Variants in ARHGAP22 observed in about 807,000 individuals in gnomAD.
ARHGAP22 encodes the protein Rho GTPase activating protein 22.
A neutral mutation model predicts 59.1 loss-of-function variants in ARHGAP22; 48 were observed. That is an observed-to-expected ratio of 0.81 (90% confidence interval 0.64 to 1.03). The LOEUF (loss-of-function observed/expected upper bound fraction) is 1.03, where lower values mean the gene tolerates loss of function less well. Among genes scored for constraint, ARHGAP22 ranks in the 50% least tolerant of loss-of-function variants. ARHGAP22 has a pLI of 0.00. For missense variants in ARHGAP22, 1,015 were observed against 958.7 expected (o/e 1.06, Z -0.78); for synonymous variants, 445 against 416.4 (o/e 1.07, Z -0.84).
chr10:48,496,241 T>C (rs547453990), intron 3 of ARHGAP22, among the ~76,000 whole-genome samples: 8 of 152,182 alleles, frequency 5.3e-5, no homozygotes, highest in Non-Finnish European at 1.2e-4. Flanking sequence ...TATGGTCGGT[T>C]GTCTTCAGAG....
rs1019935082 is a variant in ARHGAP22 at position 48,515,791 on chromosome 10, A to G, written c.323-36027T>C. ...AAAAGGACATTTGAGAAATTCACAA[A>G]TATGTGGAAACTGAACAACTCCCTT... On this transcript the variant is annotated intron_variant, in intron 3 of 9. Coordinates refer to ENST00000249601, the MANE Select transcript of ARHGAP22 (RefSeq NM_021226.4). 1.5e-4 allele frequency among the ~76,000 whole-genome samples: 23 copies of G among 152,356 alleles called. No individual in the cohort carries two copies. The Middle Eastern group carries it at 0.014, about 90-fold the overall frequency.
At chr10:48,653,175 C>A (rs1331899152), upstream of ARHGAP22, among the ~76,000 whole-genome samples, 1 of 152,222 alleles carries the variant, frequency 6.6e-6, no homozygotes, top group Non-Finnish European at 1.5e-5. Flanking sequence ...TAGCACCCTC[C>A]TTGTCTCCTC....
chr10:48,602,023 G>A (rs767987132), intron 1 of ARHGAP22, among the ~76,000 whole-genome samples: 1 of 152,198 alleles, frequency 6.6e-6, no homozygotes, highest in African/African-American at 2.4e-5. Context: ...CACATTTATT[G>A]GCTGGGCGAC....
chr10:48,502,716 C>T (rs898709744), intron 3 of ARHGAP22, among the ~76,000 whole-genome samples: 6 of 152,218 alleles, frequency 3.9e-5, no homozygotes, highest in Admixed American at 1.3e-4. Flanking sequence ...CTTCCCCAAC[C>T]GTTGCCCTTC....
intron 2 of ARHGAP22, among the ~76,000 whole-genome samples, chr10:48,568,990 A>G (rs1212055417): frequency 6.6e-6 from 1 of 152,188 alleles, no homozygotes; most frequent in Non-Finnish European, 1.5e-5. Context: ...ACACTCTTGG[A>G]AGATTTTTTT....
At chr10:48,639,176 C>T (rs548060067) in intron 1 of ARHGAP22, among the ~76,000 whole-genome samples, 15 of 152,288 alleles carry the variant, frequency 9.8e-5, no homozygotes, top group South Asian at 2.1e-4. Flanking sequence ...AGCAATTTTG[C>T]GCATGCAGTC....
At chr10:48,475,976 C>T (rs942842667) in intron 4 of ARHGAP22, among the ~76,000 whole-genome samples, 4 of 152,194 alleles carry the variant, frequency 2.6e-5, no homozygotes, top group Non-Finnish European at 5.9e-5. Context: ...TGCTGTTATC[C>T]ACCCTTTCTT....
chr10:48,513,040 T>G (rs928196998), intron 3 of ARHGAP22, among the ~76,000 whole-genome samples: 3 of 152,066 alleles, frequency 2.0e-5, no homozygotes, highest in African/African-American at 7.2e-5. Flanking sequence ...TCTCTCTTTC[T>G]CCCCCACCCA....
chr10:48,465,438 C>T (rs975410643), intron 4 of ARHGAP22, among the ~76,000 whole-genome samples: 1 of 152,268 alleles, frequency 6.6e-6, no homozygotes, highest in Non-Finnish European at 1.5e-5. Context: ...CTGTCCTAAG[C>T]CTCTCTGAGC....
At chr10:48,642,904 C>G (rs1190480350) in intron 1 of ARHGAP22, among the ~76,000 whole-genome samples, 2 of 152,152 alleles carry the variant, frequency 1.3e-5, no homozygotes, top group Non-Finnish European at 2.9e-5. Context: ...AAAAAACAAA[C>G]AACTCCATCA....
At chr10:48,607,882 GA>G (rs768814734), upstream of ARHGAP22, among the ~76,000 whole-genome samples, 5 of 152,230 alleles carry the variant, frequency 3.3e-5, no homozygotes, top group Non-Finnish European at 4.4e-5. Flanking sequence ...GAAGTCTCCG[GA>G]AGGCAGAAGG....
At chr10:48,494,891 G>A (rs1394098134) in intron 3 of ARHGAP22, among the ~76,000 whole-genome samples, 1 of 152,178 alleles carries the variant, frequency 6.6e-6, no homozygotes, top group Non-Finnish European at 1.5e-5. Context: ...TCTCTCAGGT[G>A]CTCCAAATGC....
intron 2 of ARHGAP22, among the ~76,000 whole-genome samples, chr10:48,560,625 T>C (rs140209809): frequency 5.9e-5 from 9 of 152,238 alleles, no homozygotes; most frequent in African/African-American, 2.2e-4. Context: ...AAGTATGATA[T>C]TAGCTTTCAG....
chr10:48,607,755 C>T (rs1049262570), upstream of ARHGAP22, among the ~76,000 whole-genome samples: 1 of 152,240 alleles, frequency 6.6e-6, no homozygotes, highest in East Asian at 1.9e-4. Flanking sequence ...CCTGCCTGCA[C>T]GGTGCTGCCC....
chr10:48,577,990 G>A (rs1233771345), intron 2 of ARHGAP22, among the ~76,000 whole-genome samples: 2 of 151,652 alleles, frequency 1.3e-5, no homozygotes, highest in East Asian at 1.9e-4. Context: ...TGTATTTTTA[G>A]TAGAAACGGG....
At chr10:48,539,785 T>G (rs924934769) in intron 3 of ARHGAP22, among the ~76,000 whole-genome samples, 1 of 152,240 alleles carries the variant, frequency 6.6e-6, no homozygotes, top group African/African-American at 2.4e-5. Flanking sequence ...TATTCCTTCA[T>G]GTTGTTTTTC....
At chr10:48,492,681 G>A (rs958790277) in intron 3 of ARHGAP22, among the ~76,000 whole-genome samples, 5 of 152,122 alleles carry the variant, frequency 3.3e-5, no homozygotes, top group African/African-American at 1.2e-4. Flanking sequence ...AGCCTCCCGA[G>A]TAGCTGGGAT....
At chr10:48,527,738 G>T (rs2134874263) in intron 3 of ARHGAP22, among the ~76,000 whole-genome samples, 1 of 152,292 alleles carries the variant, frequency 6.6e-6, no homozygotes, top group South Asian at 2.1e-4. Flanking sequence ...CCAAATTGAT[G>T]ATGACCCCAA....
intron 9 of ARHGAP22, among the ~76,000 whole-genome samples, chr10:48,449,533 G>A (rs1390652228): frequency 6.6e-6 from 1 of 152,250 alleles, no homozygotes; most frequent in Non-Finnish European, 1.5e-5. Context: ...GGAATTCCCT[G>A]CTAGTGGGTG....
Sources: allele counts gnomAD v4.1 joint callset (sites outside exome capture counted in the v4.1 genomes callset), GRCh38; gene constraint gnomAD v4.1.1; transcripts MANE v1.5; gene names NCBI Gene and HGNC (gene_info 2026-07-23, HGNC 2026-07-21).